The following CYP46A1 variants were observed in gnomAD, a reference collection of about 807,000 sequenced individuals.
CYP46A1 encodes the protein cytochrome P450 family 46 subfamily A member 1, also known as cholesterol 24-hydroxylase.
A neutral mutation model predicts 63.3 loss-of-function variants in CYP46A1; 20 were observed. That is an observed-to-expected ratio of 0.32 (90% CI 0.22 to 0.46). CYP46A1 has a LOEUF of 0.46. CYP46A1 is among the 20% of genes least tolerant of loss of function. The probability of loss-of-function intolerance (pLI) is 1.00; values close to 1 mark genes in which losing one functional copy is unlikely to be tolerated. For missense variants in CYP46A1, 445 were observed against 670.8 expected (o/e 0.66, Z 3.72); for synonymous variants, 268 against 273.6 (o/e 0.98, Z 0.20).
chr14:99,691,598 G>T (rs1022776167), intron 2 of CYP46A1, 182 bp from the exon 3 acceptor site: 7 of 611,502 alleles, frequency 1.1e-5, no homozygotes, highest in Non-Finnish European at 2.0e-5. Flanking sequence ...ACATGACTCG[G>T]CAAGTGAGCA....
At chr14:99,693,425 A>G (rs954015227) in intron 3 of CYP46A1, among the ~76,000 whole-genome samples, 3 of 152,270 alleles carry the variant, frequency 2.0e-5, no homozygotes, top group African/African-American at 4.8e-5. Flanking sequence ...TTAAAGATAT[A>G]TATTGATATA....
Position 99,722,111 on chromosome 14 carries a change from C to A in CYP46A1, c.1176+45C>A. On this transcript the variant is annotated intron_variant, in intron 12 of 14. Coordinates refer to ENST00000261835, the MANE Select transcript of CYP46A1 (RefSeq NM_006668.2). The surrounding 1 kb of genome is among the most constrained non-coding windows in gnomAD (Gnocchi z 4.6). ...GTCCTGGGGTGGGCTGGGCTGCTTG[C>A]CCCAATGGTGGTGAATTTGGGACTC... 6.8e-7 allele frequency: 1 copy of A among 1,477,552 alleles called. No individual in the cohort carries two copies. Among genetic ancestry groups the A allele is most frequent in the Non-Finnish European group, 9.4e-7 (1 of 1,067,236 alleles). The allele number at this position is 1,477,552 out of a possible 1,614,324, so 91.5% of individuals were successfully genotyped here.
chr14:99,726,381 G>C, intron 14 of CYP46A1, 125 bp downstream of exon 14: 1 of 1,206,288 alleles, frequency 8.3e-7, no homozygotes, highest in Non-Finnish European at 1.1e-6. Flanking sequence ...GGACCCAGCG[G>C]AGCCAGACCC....
chr14:99,707,986 A>G, intron 7 of CYP46A1: 1 of 352,452 alleles, frequency 2.8e-6, no homozygotes. Context: ...TTCCTGTTCC[A>G]CTGTCTCAGC....
At chr14:99,693,344 T>C (rs2056559785) in intron 3 of CYP46A1, 1 of 152,240 alleles carries the variant, frequency 6.6e-6, no homozygotes, top group Non-Finnish European at 1.5e-5. Flanking sequence ...AGACACAATT[T>C]AAGACTTGTA....
chr14:99,725,630 G>T lies in CYP46A1; in HGVS notation c.1265+151G>T. 1.6e-6 allele frequency: 1 copy of T among 639,726 alleles called. No homozygotes were observed. Among genetic ancestry groups the T allele is most frequent in the Non-Finnish European group, 2.8e-6 (1 of 362,672 alleles). The allele number at this position is 639,726 out of a possible 1,614,324, so 39.6% of individuals were successfully genotyped here. Reference sequence around the variant, plus strand: ...GTGGAGGAAATCACAGCTCAGAGAGGTTAAGTAACTTGCCCAAGTGGCAGA... The same window carrying T: ...GTGGAGGAAATCACAGCTCAGAGAGTTTAAGTAACTTGCCCAAGTGGCAGA... On this transcript the variant is annotated intron_variant, in intron 13 of 14. Transcript: ENST00000261835. The surrounding 1 kb of genome is among the most constrained non-coding windows in gnomAD (Gnocchi z 4.2).
intron 3 of CYP46A1, among the ~76,000 whole-genome samples, chr14:99,697,126 C>T (rs2056593567): frequency 6.6e-6 from 1 of 152,212 alleles, no homozygotes; most frequent in South Asian, 2.1e-4. Flanking sequence ...CTTCTTTCCC[C>T]AGAAGTTGTT....
chr14:99,696,269 T>C (rs2056586933), intron 3 of CYP46A1, among the ~76,000 whole-genome samples: 1 of 152,272 alleles, frequency 6.6e-6, no homozygotes, highest in Admixed American at 6.5e-5. Flanking sequence ...TATTGTCTTA[T>C]TGATTGATTG....
In CYP46A1 at chr14:99,725,497, C is replaced by T; in HGVS notation, c.1265+18C>T. The T allele has an allele frequency of 6.3e-7, 1 of 1,598,868 alleles. No homozygotes were observed. The highest frequency in any genetic ancestry group is 1.1e-5 in the South Asian group (1 of 90,718). On this transcript the variant is annotated intron_variant, in intron 13 of 14. Transcript: ENST00000261835. This position sits in a 1 kb window ranked among gnomAD's most constrained non-coding sequence, Gnocchi z 4.2. ...GCACCCAAGTAAGTCCCTCCTGGAG[C>T]TGCCCATGAGTGGGGCTGGCGGGAG...
chr14:99,720,826 G>A (rs879613512), intron 10 of CYP46A1, among the ~76,000 whole-genome samples: 1 of 151,840 alleles, frequency 6.6e-6, no homozygotes, highest in Non-Finnish European at 1.5e-5. Context: ...GCTCATGCCT[G>A]TAATCCCAGC....
At chr14:99,715,770 C>T (rs2140134434) in intron 7 of CYP46A1, 40 bp from the exon 8 acceptor site, 2 of 1,613,284 alleles carry the variant, frequency 1.2e-6, no homozygotes, top group South Asian at 1.1e-5. Flanking sequence ...AGGGAACATG[C>T]GTGTTCACTT....
intron 5 of CYP46A1, chr14:99,703,705 G>A (rs894109359): frequency 1.0e-6 from 1 of 967,156 alleles, no homozygotes; most frequent in African/African-American, 1.8e-5. Flanking sequence ...TTCCATTCAT[G>A]TCCACCTCCC....
At chr14:99,693,341 A>G (rs557563854) in intron 3 of CYP46A1, 2 of 152,398 alleles carry the variant, frequency 1.3e-5, no homozygotes, top group South Asian at 2.1e-4. Context: ...CATAGACACA[A>G]TTTAAGACTT....
chr14:99,686,837 A>G (rs952856150), intron 1 of CYP46A1, among the ~76,000 whole-genome samples: 4 of 152,204 alleles, frequency 2.6e-5, no homozygotes, highest in South Asian at 2.1e-4. Flanking sequence ...CAATGCATAT[A>G]TAAAAAGATT....
rs10600179 is a variant in CYP46A1, at chr14:99,722,644, C to CGTGT, written c.1176+610_1176+613dup. ...ATCTGAATTGTGTGTTTGCCATTCC[C>CGTGT]GTGTGTGTGTGTGTGTGTGTGTGTG... is the stretch of plus-strand genomic sequence containing the variant. On this transcript the variant is annotated intron_variant, in intron 12 of 14. Coordinates refer to ENST00000261835, the MANE Select transcript of CYP46A1 (RefSeq NM_006668.2). This position sits in a 1 kb window ranked among gnomAD's most constrained non-coding sequence, Gnocchi z 4.6. 5.8e-3 allele frequency among the ~76,000 whole-genome samples: 825 copies of CGTGT among 142,246 alleles called. 4 individuals carry two copies. Among genetic ancestry groups the CGTGT allele is most frequent in the South Asian group, 8.5e-3 (35 of 4,132 alleles). The allele number at this position is 142,246 out of a possible 152,430, so 93.3% of individuals were successfully genotyped here. A position where few individuals can be genotyped will look rare whatever the true frequency, so the allele number is the denominator to read the frequency against.
At chr14:99,717,621 A>G (rs2056802484) in intron 9 of CYP46A1, 1 of 162,348 alleles carries the variant, frequency 6.2e-6, no homozygotes, top group Non-Finnish European at 1.3e-5. Context: ...GTTCCCTCCC[A>G]GGCCAGCTTG....
chr14:99,698,520 C>T (rs8009011), intron 3 of CYP46A1, among the ~76,000 whole-genome samples: 96,851 of 152,050 alleles, frequency 0.64, 31,161 homozygotes, highest in East Asian at 0.79. Context: ...TTGAGTGAAC[C>T]GCAGGGTGCA....
In CYP46A1 at chr14:99,725,617, A is replaced by G; in HGVS notation, c.1265+138A>G. The G allele has an allele frequency of 3.0e-6, 2 of 666,126 alleles. No individual in the cohort carries two copies. The highest frequency in any genetic ancestry group is 3.6e-5 in the South Asian group (2 of 55,888). 41.3% of individuals were successfully genotyped at this position (666,126 alleles called of 1,614,324 possible). On this transcript the variant is annotated intron_variant, in intron 13 of 14. Coordinates refer to ENST00000261835, the MANE Select transcript of CYP46A1 (RefSeq NM_006668.2). This position sits in a 1 kb window ranked among gnomAD's most constrained non-coding sequence, Gnocchi z 4.2. ...CTGTGAGGTGGTTGTGGAGGAAATCACAGCTCAGAGAGGTTAAGTAACTTG... is the reference window on the plus strand; with the variant it reads ...CTGTGAGGTGGTTGTGGAGGAAATCGCAGCTCAGAGAGGTTAAGTAACTTG...
chr14:99,716,107 C>T (rs1267156133), intron 8 of CYP46A1, 30 bp from the exon 9 acceptor site: 1 of 1,613,840 alleles, frequency 6.2e-7, no homozygotes, highest in South Asian at 1.1e-5. Context: ...CAAAGATTTG[C>T]TGGGAACTGA....
Sources: allele counts gnomAD v4.1 joint callset (sites outside exome capture counted in the v4.1 genomes callset), GRCh38; gene constraint gnomAD v4.1.1; non-coding constraint Gnocchi (gnomAD v3.1); transcripts MANE v1.5; gene names NCBI Gene and HGNC (gene_info 2026-07-23, HGNC 2026-07-21).